COL21A1: variants seen among roughly 807,000 people sequenced by gnomAD.
COL21A1 encodes the protein collagen type XXI alpha 1 chain, also known as collagen alpha-1(XXI) chain.
In COL21A1, 149 loss-of-function variants were observed where a neutral mutation model predicts 137.9. The ratio of observed to expected loss-of-function variants is 1.08; its 90% CI spans 0.95 to 1.24. The LOEUF (loss-of-function observed/expected upper bound fraction) is 1.24, where lower values mean the gene tolerates loss of function less well. Ranked by LOEUF, COL21A1 falls within the 50% of genes most tolerant of loss-of-function variation. COL21A1 has a pLI of 0.00. For synonymous variants in COL21A1, 456 were observed against 391.5 expected, an observed-to-expected ratio of 1.16 and a Z score of -1.95; for missense variants, 1,167 against 1,158.4, an observed-to-expected ratio of 1.01 and a Z score of -0.11.
intron 23 of COL21A1, 61 bp downstream of exon 23, chr6:56,067,234 A>G: frequency 8.0e-7 from 1 of 1,249,490 alleles, no homozygotes; most frequent in Non-Finnish European, 1.1e-6. Flanking sequence ...AAGTAAAATA[A>G]GAACTTTTTA....
intron 1 of COL21A1, among the ~76,000 whole-genome samples, chr6:56,222,115 A>T (rs995136517): frequency 6.6e-6 from 1 of 152,022 alleles, no homozygotes; most frequent in East Asian, 1.9e-4. Context: ...TCTACTAAAA[A>T]TACAAAAATT....
chr6:56,313,039 T>A (rs1764647157), intron 1 of COL21A1, among the ~76,000 whole-genome samples: 1 of 152,130 alleles, frequency 6.6e-6, no homozygotes, highest in Non-Finnish European at 1.5e-5. Flanking sequence ...TGACTACTTA[T>A]CCATGCTTGG....
At chr6:56,127,741 TG>T (rs1320204783) in intron 12 of COL21A1, among the ~76,000 whole-genome samples, 1 of 152,198 alleles carries the variant, frequency 6.6e-6, no homozygotes, top group Non-Finnish European at 1.5e-5. Context: ...TGTAGCCTTT[TG>T]TTTCTTGTGT....
At chr6:56,084,757 T>C (rs1214018176) in intron 17 of COL21A1, among the ~76,000 whole-genome samples, 3 of 152,048 alleles carry the variant, frequency 2.0e-5, no homozygotes, top group African/African-American at 4.8e-5. Flanking sequence ...ACGTTGGTCT[T>C]TCAAAATAAA....
In COL21A1 at chr6:56,059,170, G is replaced by T; in HGVS notation, c.2681C>A (p.Pro894His). ...GYPGEQGPPG[P>H]PGPEGPPGIS... is the part of the protein sequence containing the mutation. ...GAGCAGGTAGCAATTCTCACCTGGG[G>T]GACCAGGAGGACCTTGTTCTCCAGG... Residue 894 changes from proline to histidine, a missense_variant, in exon 29 of 30, where the codon CCC (proline) becomes CAC (histidine). Pro to His is a moderately conservative substitution (Grantham distance 77). Coordinates refer to ENST00000244728, the MANE Select transcript of COL21A1 (RefSeq NM_030820.4). 6.2e-7 allele frequency: 1 copy of T among 1,611,302 alleles called. No individual in the cohort carries two copies. Among genetic ancestry groups the T allele is most frequent in the Non-Finnish European group, 8.5e-7 (1 of 1,178,702 alleles).
At chr6:56,059,125 A>G in intron 29 of COL21A1, 40 bp downstream of exon 29, 3 of 1,500,412 alleles carry the variant, frequency 2.0e-6, no homozygotes, top group Non-Finnish European at 2.8e-6. Flanking sequence ...TCTTAAAGCA[A>G]AATGAGCAGT....
intron 10 of COL21A1, among the ~76,000 whole-genome samples, chr6:56,155,496 C>T (rs1775674673): frequency 6.6e-6 from 1 of 152,188 alleles, no homozygotes; most frequent in African/African-American, 2.4e-5. Context: ...ACAATGTAAA[C>T]ATTCCCACTC....
At chr6:56,175,851 G>A (rs1454176622) in intron 3 of COL21A1, among the ~76,000 whole-genome samples, 1 of 152,080 alleles carries the variant, frequency 6.6e-6, no homozygotes, top group South Asian at 2.1e-4. Flanking sequence ...AAACTAAGCT[G>A]GAGGCCTCAC....
chr6:56,134,674 C>T (rs113458196), intron 12 of COL21A1, among the ~76,000 whole-genome samples: 11 of 152,192 alleles, frequency 7.2e-5, no homozygotes, highest in South Asian at 2.1e-4. Context: ...AGGAACCCAA[C>T]GGGAGGCAAT....
intron 1 of COL21A1, among the ~76,000 whole-genome samples, chr6:56,191,499 G>A (rs969704344): frequency 6.6e-6 from 1 of 151,076 alleles, no homozygotes; most frequent in African/African-American, 2.4e-5. Flanking sequence ...GGCTGAGGCA[G>A]GAGAAATGCT....
rs1429078747 is a variant in COL21A1, at chr6:56,097,859, ATATAAAAATATC to A, written c.1812+3601_1812+3612del. On this transcript the variant is annotated intron_variant, in intron 17 of 29. Transcript: ENST00000244728. ...TATAAATATATAAATATATATAAAT[ATATAAAAATATC>A]TATAAATATATAAATATATATAAAT... 7.5e-5 allele frequency among the ~76,000 whole-genome samples: 7 copies of A among 92,748 alleles called. No individual in the cohort carries two copies. The East Asian group carries it at 1.0e-3, about 14-fold the overall frequency. 60.8% of individuals were successfully genotyped at this position (92,748 alleles called of 152,430 possible).
At chr6:56,367,996 G>C (rs532512558) in intron 1 of COL21A1, among the ~76,000 whole-genome samples, 22 of 152,318 alleles carry the variant, frequency 1.4e-4, no homozygotes, top group Non-Finnish European at 2.6e-4. Context: ...TAACAGGAAT[G>C]AGCCACTGCA....
At chr6:56,221,051 T>G (rs1221031588) in intron 1 of COL21A1, among the ~76,000 whole-genome samples, 1 of 152,154 alleles carries the variant, frequency 6.6e-6, no homozygotes, top group African/African-American at 2.4e-5. Flanking sequence ...TGTACTGTTA[T>G]GTATATTAGT....
At chr6:56,157,016 TA>T in intron 9 of COL21A1, 67 bp from the exon 10 acceptor site, 3 of 1,095,234 alleles carry the variant, frequency 2.7e-6, no homozygotes, top group Non-Finnish European at 4.0e-6. Flanking sequence ...TCAGGATCAA[TA>T]AAAGTTCAAA....
Position 56,106,380 on chromosome 6 carries a change from G to A in COL21A1, c.1759-4855C>T, listed in dbSNP as rs577592965. On this transcript the variant is annotated intron_variant, in intron 16 of 29. Coordinates refer to ENST00000244728, the MANE Select transcript of COL21A1 (RefSeq NM_030820.4). ...TTTCCCCTTCTCTAAATAAGATGGA[G>A]CTTCTTATCTGTGTATAACTGCTTA... Among the ~76,000 whole-genome samples the A allele has an allele frequency of 5.9e-5, 9 of 152,218 alleles. No homozygotes were observed. In the East Asian group the frequency reaches 1.4e-3, roughly 23 times the overall value.
chr6:56,142,077 T>C, intron 10 of COL21A1, 94 bp from the exon 11 acceptor site: 1 of 919,924 alleles, frequency 1.1e-6, no homozygotes, highest in Non-Finnish European at 1.6e-6. Context: ...CTCAAGTTTC[T>C]CATGCCTAAA....
At chr6:56,091,757 G>A (rs902508998) in intron 17 of COL21A1, 2 of 152,200 alleles carry the variant, frequency 1.3e-5, no homozygotes, top group African/African-American at 4.8e-5. Flanking sequence ...AGCAGCAGTG[G>A]AAACTATTCT....
At chr6:56,164,587 T>C (rs1776434714) in intron 8 of COL21A1, 81 bp from the exon 9 acceptor site, 1 of 1,111,618 alleles carries the variant, frequency 9.0e-7, no homozygotes, top group African/African-American at 1.6e-5. Context: ...TGCATTTATA[T>C]ATTTGTGTAA....
At chr6:56,116,396 T>A (rs1416502189) in intron 16 of COL21A1, among the ~76,000 whole-genome samples, 68 of 90,828 alleles carry the variant, frequency 7.5e-4, no homozygotes, top group Middle Eastern at 7.7e-3. Flanking sequence ...GTGCCAAAGG[T>A]AAAAAAAAAA....
Sources: gnomAD v4.1 joint callset for allele counts (sites outside exome capture counted in the v4.1 genomes callset) on GRCh38, gnomAD v4.1.1 for gene constraint, MANE v1.5 for transcripts, NCBI Gene and HGNC (gene_info 2026-07-23, HGNC 2026-07-21) for gene names.